COG6: variants seen among roughly 807,000 people sequenced by gnomAD.
COG6 encodes component of oligomeric golgi complex 6, also known as conserved oligomeric Golgi complex subunit 6.
In COG6, 74 loss-of-function variants were observed where a neutral mutation model predicts 88.8. The observed-to-expected ratio is 0.83, with a 90% confidence interval of 0.69 to 1.01. The LOEUF (loss-of-function observed/expected upper bound fraction) is 1.01, where lower values mean the gene tolerates loss of function less well. Ranked by LOEUF, COG6 falls within the 50% of genes least tolerant of loss-of-function variation. The pLI is 0.00. For missense variants in COG6, 800 were observed against 797.9 expected, an observed-to-expected ratio of 1.00 and a Z score of -0.03; for synonymous variants, 286 against 278.7, an observed-to-expected ratio of 1.03 and a Z score of -0.26.
chr13:39,660,990 G>C, intron 3 of COG6, 109 bp downstream of exon 3: 1 of 710,032 alleles, frequency 1.4e-6, no homozygotes, highest in African/African-American at 1.8e-5. Flanking sequence ...AGGAAATTTG[G>C]GTATAAATAT....
Position 39,656,158 on chromosome 13 carries a change from G to A in COG6, c.153+279G>A, listed in dbSNP as rs1417143085. On this transcript the variant is annotated intron_variant, in intron 1 of 18. Coordinates refer to ENST00000455146, the MANE Select transcript of COG6 (RefSeq NM_020751.3). ...CTGGATGGGATTGGTGAACGGTGGT[G>A]CCTCGAGAAGTGTCCTCCAAACACC... The A allele has an allele frequency of 5.1e-6, 3 of 588,426 alleles. No individual in the cohort carries two copies. The Admixed American group carries it at 6.5e-5, about 13-fold the overall frequency. The allele number at this position is 588,426 out of a possible 1,614,324, so 36.5% of individuals were successfully genotyped here.
At chr13:39,768,168 C>T (rs926400856) in intron 18 of COG6, among the ~76,000 whole-genome samples, 1 of 152,214 alleles carries the variant, frequency 6.6e-6, no homozygotes, top group African/African-American at 2.4e-5. Flanking sequence ...TTTAGTAACC[C>T]ATTTTAATGA....
At chr13:39,743,551 CAAG>C (rs1433667118) in intron 18 of COG6, among the ~76,000 whole-genome samples, 4 of 151,996 alleles carry the variant, frequency 2.6e-5, no homozygotes, top group East Asian at 1.9e-4. Context: ...AAGACTAAAC[CAAG>C]AAGAAGTTGA....
chr13:39,684,840 C>A (rs1876545253), intron 8 of COG6, among the ~76,000 whole-genome samples: 1 of 151,994 alleles, frequency 6.6e-6, no homozygotes. Flanking sequence ...TTATTGAAAT[C>A]CGTGGGGAAA....
chr13:39,773,881 T>C (rs1001573878), intron 18 of COG6, among the ~76,000 whole-genome samples: 8 of 151,726 alleles, frequency 5.3e-5, no homozygotes, highest in African/African-American at 1.9e-4. Flanking sequence ...CTTTTTTTTT[T>C]TTTTACCCAA....
chr13:39,742,306 G>A (rs1389083869), intron 18 of COG6, among the ~76,000 whole-genome samples: 2 of 152,060 alleles, frequency 1.3e-5, no homozygotes, highest in Non-Finnish European at 2.9e-5. Context: ...GACACAGACT[G>A]GCAAATTGGA....
At chr13:39,711,396 T>C (rs768332512) in intron 13 of COG6, among the ~76,000 whole-genome samples, 7 of 152,170 alleles carry the variant, frequency 4.6e-5, no homozygotes, top group Non-Finnish European at 8.8e-5. Flanking sequence ...ATTAACTTTA[T>C]AGAATTCAAG....
intron 12 of COG6, 51 bp from the exon 13 acceptor site, chr13:39,699,450 C>A (rs1243817760): frequency 3.5e-6 from 3 of 847,734 alleles, no homozygotes; most frequent in African/African-American, 3.3e-5. Flanking sequence ...AGTTAAGGAA[C>A]TGTTTTGTTT....
intron 12 of COG6, among the ~76,000 whole-genome samples, chr13:39,695,574 C>A (rs924866502): frequency 6.6e-6 from 1 of 151,588 alleles, no homozygotes; most frequent in African/African-American, 2.4e-5. Flanking sequence ...ACTAACATTA[C>A]CAGGAAAGGT....
At chr13:39,670,267 T>C (rs1875544651) in intron 4 of COG6, among the ~76,000 whole-genome samples, 1 of 152,106 alleles carries the variant, frequency 6.6e-6, no homozygotes, top group Non-Finnish European at 1.5e-5. Context: ...TACATGAACA[T>C]ACCTTTGTAT....
chr13:39,730,773 C>CAAAAAAAAAAAAAAAACA (rs1879396181), intron 18 of COG6, among the ~76,000 whole-genome samples: 1 of 39,470 alleles, frequency 2.5e-5, no homozygotes, highest in Non-Finnish European at 4.5e-5. Flanking sequence ...GACTCCATCT[C>CAAAAAAAAAAAAAAAACA]AAAAAAAAAA....
intron 17 of COG6, among the ~76,000 whole-genome samples, chr13:39,726,100 T>C (rs1879121672): frequency 6.6e-6 from 1 of 152,008 alleles, no homozygotes; most frequent in Non-Finnish European, 1.5e-5. Context: ...TGCTTGAGTT[T>C]TGTATTTAAT....
exon 19 of COG6, chr13:39,791,439 A>G (rs1881934539): frequency 6.6e-6 from 1 of 152,034 alleles, no homozygotes; most frequent in African/African-American, 2.4e-5. Context: ...ATTTTATTTA[A>G]GATTTTGCAT....
chr13:39,748,940 A>G (rs925312988), intron 18 of COG6, among the ~76,000 whole-genome samples: 4 of 152,206 alleles, frequency 2.6e-5, no homozygotes, highest in African/African-American at 7.2e-5. Context: ...AGATGCATAT[A>G]TTTCCACAGA....
intron 16 of COG6, 148 bp downstream of exon 16, chr13:39,723,588 C>A (rs1878969879): frequency 3.1e-6 from 2 of 649,840 alleles, no homozygotes; most frequent in Non-Finnish European, 2.8e-6. Context: ...TGTTTCCTTA[C>A]CTGTGGATTG....
chr13:39,684,093 G>C (rs923255729), intron 8 of COG6, among the ~76,000 whole-genome samples: 11 of 151,928 alleles, frequency 7.2e-5, no homozygotes, highest in African/African-American at 2.7e-4. Flanking sequence ...TGACTAGAAA[G>C]TTTTCAACTA....
At chr13:39,693,475 G>C (rs149414370) in intron 11 of COG6, among the ~76,000 whole-genome samples, 264 of 151,896 alleles carry the variant, frequency 1.7e-3, no homozygotes, top group African/African-American at 6.1e-3. Context: ...ATATTTTGCT[G>C]TAATAATTAT....
At chr13:39,666,554 C>G (rs1183504182) in intron 4 of COG6, among the ~76,000 whole-genome samples, 1 of 152,038 alleles carries the variant, frequency 6.6e-6, no homozygotes, top group Non-Finnish European at 1.5e-5. Context: ...AGTACATGAC[C>G]CCCAACTCCT....
In COG6 at chr13:39,751,074, T is replaced by C. The variant is rs570950412; in HGVS notation, c.1955T>C (p.Val652Ala). ...ENILHRSPQQ[V>A]QTLLS ...ATTCTTCACCGATCGCCGCAGCAAG[T>C]GCAGACGCTTCTTTCCTGATTATCT... is the stretch of plus-strand genomic sequence containing the variant. The change falls in exon 19 of 19, where the codon GTG becomes GCG. Residue 652 changes from valine (V) to alanine (A), a missense_variant. Coordinates refer to ENST00000455146, the MANE Select transcript of COG6 (RefSeq NM_020751.3). 1.1e-5 allele frequency: 17 copies of C among 1,613,690 alleles called. No homozygotes were observed. The highest frequency in any genetic ancestry group is 6.7e-5 in the East Asian group (3 of 44,810).
Sources: gnomAD v4.1 joint callset for allele counts (sites outside exome capture counted in the v4.1 genomes callset) on GRCh38, gnomAD v4.1.1 for gene constraint, MANE v1.5 for transcripts, NCBI Gene and HGNC (gene_info 2026-07-23, HGNC 2026-07-21) for gene names.